The following GRIP1 variants were observed in gnomAD, a reference collection of about 807,000 sequenced individuals.
The protein encoded by GRIP1 is glutamate receptor-interacting protein 1.
A neutral mutation model predicts 129.9 loss-of-function variants in GRIP1; 45 were observed. The observed-to-expected ratio is 0.35, with a 90% CI of 0.27 to 0.44. The LOEUF is 0.44. Among genes scored for constraint, GRIP1 ranks in the 20% least tolerant of loss-of-function variants. The pLI is 1.00. For synonymous variants in GRIP1, 530 were observed against 520.8 expected, an observed-to-expected ratio of 1.02 and a Z score of -0.24; for missense variants, 1,196 against 1,396.8, an observed-to-expected ratio of 0.86 and a Z score of 2.29.
chr12:66,866,482 A>T (rs2040207009), intron 1 of GRIP1, among the ~76,000 whole-genome samples: 1 of 152,120 alleles, frequency 6.6e-6, no homozygotes, highest in South Asian at 2.1e-4. Context: ...CAACTGTAGA[A>T]CATGGTGACT....
rs80296109 is a variant in GRIP1 at position 66,666,048 on chromosome 12, C to G, written c.55+12802G>C. 1.7e-3 allele frequency among the ~76,000 whole-genome samples: 253 copies of G among 152,260 alleles called. No individual in the cohort carries two copies. In the East Asian group the frequency reaches 0.043, roughly 26 times the overall value. On this transcript the variant is annotated intron_variant, in intron 1 of 24. Transcript: ENST00000359742. The stretch of plus-strand genomic sequence containing the variant: ...CAGCCCTATACTTCCCTGCACTTGT[C>G]TTTCCCCCACAAACATAAAGCTAGT...
At chr12:66,710,763 A>G (rs942316446) in intron 1 of GRIP1, among the ~76,000 whole-genome samples, 1 of 151,922 alleles carries the variant, frequency 6.6e-6, no homozygotes, top group Non-Finnish European at 1.5e-5. Context: ...TAAAATATTC[A>G]TGCAATTCTT....
At chr12:66,835,074 A>G (rs941691474) in intron 1 of GRIP1, among the ~76,000 whole-genome samples, 4 of 152,178 alleles carry the variant, frequency 2.6e-5, no homozygotes, top group Admixed American at 1.3e-4. Flanking sequence ...TGCAAAAGAC[A>G]TATCTAATAA....
At chr12:66,894,822 A>AT (rs2040718490) in intron 1 of GRIP1, among the ~76,000 whole-genome samples, 1 of 152,122 alleles carries the variant, frequency 6.6e-6, no homozygotes, top group Admixed American at 6.5e-5. Context: ...GTGTTGAAAC[A>AT]TTTTTTTCCA....
intron 14 of GRIP1, among the ~76,000 whole-genome samples, chr12:66,430,588 T>C (rs1220707613): frequency 6.6e-6 from 1 of 152,222 alleles, no homozygotes; most frequent in Admixed American, 6.5e-5. Context: ...ATTTTGTAGT[T>C]TGTGTACAAG....
chr12:66,543,081 T>C (rs1011740618), intron 2 of GRIP1, among the ~76,000 whole-genome samples: 7 of 152,196 alleles, frequency 4.6e-5, no homozygotes, highest in African/African-American at 1.7e-4. Context: ...ATTATCCTAC[T>C]AGCCAATGAA....
rs1050208084 is a variant in GRIP1 at position 66,456,289 on chromosome 12, G to A, written c.1096C>T (p.His366Tyr). The change falls in exon 10 of 25, where the codon CAC becomes TAC. Residue 366 changes from histidine to tyrosine, a missense_variant. Coordinates refer to ENST00000359742, the MANE Select transcript of GRIP1 (RefSeq NM_001366722.1). ...QLTWDSWASNHSSLHTNHHYN... is the reference protein window; with the variant it reads ...QLTWDSWASNYSSLHTNHHYN... Reference sequence around the variant, plus strand: ...TGATGGTTGGTGTGAAGGCTGCTGTGGTTGCTGGCCCAGGAATCCCAGGTA... The same window carrying A: ...TGATGGTTGGTGTGAAGGCTGCTGTAGTTGCTGGCCCAGGAATCCCAGGTA... 2 of 1,289,244 alleles carry A rather than the reference G, an allele frequency of 1.6e-6. No individual in the cohort carries two copies. Among genetic ancestry groups the A allele is most frequent in the African/African-American group, 3.0e-5 (2 of 65,814 alleles). 79.9% of individuals were successfully genotyped at this position (1,289,244 alleles called of 1,614,324 possible).
At chr12:66,659,256 C>T (rs1003454319) in intron 1 of GRIP1, among the ~76,000 whole-genome samples, 3 of 152,198 alleles carry the variant, frequency 2.0e-5, no homozygotes, top group Admixed American at 6.6e-5. Flanking sequence ...TTCTGCATAA[C>T]ATTGAGTGTG....
At chr12:66,576,619 C>T (rs2063147755) in intron 2 of GRIP1, among the ~76,000 whole-genome samples, 1 of 152,188 alleles carries the variant, frequency 6.6e-6, no homozygotes, top group South Asian at 2.1e-4. Context: ...CTCTGTGAGC[C>T]TTAATTTCTT....
chr12:66,717,743 T>C (rs189239496), intron 1 of GRIP1, among the ~76,000 whole-genome samples: 9 of 152,270 alleles, frequency 5.9e-5, no homozygotes, highest in Non-Finnish European at 8.8e-5. Flanking sequence ...ATAAATGAGA[T>C]TGCACTTCAA....
chr12:66,846,965 T>C (rs1420795012), intron 1 of GRIP1, among the ~76,000 whole-genome samples: 1 of 152,102 alleles, frequency 6.6e-6, no homozygotes, highest in Non-Finnish European at 1.5e-5. Flanking sequence ...GCTTCCCTGG[T>C]TGTCTGGCAT....
At chr12:66,791,327 T>G (rs776176283) in intron 1 of GRIP1, among the ~76,000 whole-genome samples, 1 of 152,160 alleles carries the variant, frequency 6.6e-6, no homozygotes, top group Admixed American at 6.6e-5. Context: ...GACTGGGACT[T>G]CAGAAGAGAG....
At chr12:66,904,522 T>C (rs1266710494) in intron 1 of GRIP1, among the ~76,000 whole-genome samples, 2 of 152,354 alleles carry the variant, frequency 1.3e-5, no homozygotes, top group Middle Eastern at 3.4e-3. Flanking sequence ...CTAAAAGACA[T>C]ATCTAATTGG....
chr12:67,031,419 A>G (rs895231774), intron 1 of GRIP1, among the ~76,000 whole-genome samples: 5 of 152,126 alleles, frequency 3.3e-5, no homozygotes, highest in African/African-American at 1.2e-4. Context: ...CTAAGGGCAT[A>G]TCCTGGCCTT....
chr12:66,519,330 A>T (rs2060935499), intron 5 of GRIP1, among the ~76,000 whole-genome samples: 1 of 152,242 alleles, frequency 6.6e-6, no homozygotes, highest in Non-Finnish European at 1.5e-5. Context: ...TTTCTCAGAA[A>T]AAAATTTTAA....
At chr12:66,810,368 G>A (rs1332078763) in intron 1 of GRIP1, among the ~76,000 whole-genome samples, 1 of 152,118 alleles carries the variant, frequency 6.6e-6, no homozygotes, top group Non-Finnish European at 1.5e-5. Flanking sequence ...GACCAGCCTG[G>A]CCAACATGGT....
chr12:66,902,719 C>G (rs2040862607), intron 1 of GRIP1, among the ~76,000 whole-genome samples: 1 of 152,194 alleles, frequency 6.6e-6, no homozygotes, highest in African/African-American at 2.4e-5. Flanking sequence ...TGGGAAAATT[C>G]ACTTAGACAT....
chr12:66,935,743 G>C (rs1414335029), intron 1 of GRIP1, among the ~76,000 whole-genome samples: 3 of 152,160 alleles, frequency 2.0e-5, no homozygotes, highest in Non-Finnish European at 4.4e-5. Context: ...ACAGGAATCG[G>C]AAGTGAGGTA....
intron 7 of GRIP1, 113 bp from the exon 8 acceptor site, chr12:66,465,535 A>C: frequency 1.1e-6 from 1 of 892,482 alleles, no homozygotes; most frequent in Admixed American, 2.1e-5. Flanking sequence ...TTTATCACTG[A>C]AACTTAGATT....
Sources: gnomAD v4.1 joint callset for allele counts (sites outside exome capture counted in the v4.1 genomes callset) on GRCh38, gnomAD v4.1.1 for gene constraint, MANE v1.5 for transcripts, NCBI Gene and HGNC (gene_info 2026-07-23, HGNC 2026-07-21) for gene names.